AKAP10: variants seen among roughly 807,000 people sequenced by gnomAD.
AKAP10 encodes A-kinase anchoring protein 10.
In AKAP10, 24 loss-of-function variants were observed where a neutral mutation model predicts 80.8. The ratio of observed to expected loss-of-function variants is 0.30; its 90% confidence interval spans 0.22 to 0.42. AKAP10 has a LOEUF of 0.42. Among genes scored for constraint, AKAP10 ranks in the 10% least tolerant of loss-of-function variants. AKAP10 has a pLI of 1.00. For missense variants in AKAP10, 661 were observed against 794.9 expected (o/e 0.83, Z 2.03); for synonymous variants, 291 against 277.7 (o/e 1.05, Z -0.48).
At chr17:19,973,584 T>C (rs975563803) in intron 1 of AKAP10, among the ~76,000 whole-genome samples, 2 of 152,226 alleles carry the variant, frequency 1.3e-5, no homozygotes, top group Admixed American at 6.5e-5. Flanking sequence ...GTTTTGAATA[T>C]ATACCATAAG....
rs767799262 is a variant in AKAP10 at position 19,958,107 on chromosome 17, T to C, written c.784A>G (p.Met262Val). ...GTAGAGGAAGATTCTTGGGTTTCCATGGAAACTTGGTGAGTTCCTGCTCTG... is the reference window on the plus strand; with the variant it reads ...GTAGAGGAAGATTCTTGGGTTTCCACGGAAACTTGGTGAGTTCCTGCTCTG... Reference protein sequence around the residue: ...MARAGTHQVSMETQESSSTLT... With the variant: ...MARAGTHQVSVETQESSSTLT... Residue 262 changes from methionine (M) to valine (V), a missense_variant, in exon 4 of 15, where the codon ATG (methionine) becomes GTG (valine). Met to Val is a conservative substitution (Grantham distance 21). Transcript: ENST00000225737. The C allele has an allele frequency of 6.2e-6, 10 of 1,614,194 alleles. No homozygotes were observed. The highest frequency in any genetic ancestry group is 3.3e-5 in the Admixed American group (2 of 60,018).
intron 1 of AKAP10, among the ~76,000 whole-genome samples, chr17:19,970,284 A>G (rs2043478329): frequency 1.3e-5 from 2 of 152,052 alleles, no homozygotes; most frequent in South Asian, 4.1e-4. Context: ...CCACATACAA[A>G]CTATGACCAA....
At chr17:19,913,945 T>C (rs935006001) in intron 12 of AKAP10, among the ~76,000 whole-genome samples, 3 of 152,176 alleles carry the variant, frequency 2.0e-5, no homozygotes, top group African/African-American at 7.2e-5. Flanking sequence ...TGCCAAATAG[T>C]ATAGACAAAC....
Position 19,936,312 on chromosome 17 carries a change from G to A in AKAP10, c.1441C>T (p.Arg481Cys), listed in dbSNP as rs554681779. The change falls in exon 9 of 15, where the codon CGT becomes TGT. Residue 481 changes from arginine (R) to cysteine (C), a missense_variant. By Grantham distance (180) the Arg-to-Cys change is radical (BLOSUM62 -3). Coordinates refer to ENST00000225737, the MANE Select transcript of AKAP10 (RefSeq NM_007202.4). ...TTCTCCATGGTTGTCCAGGCCTGACGTAATGGAGTTGTGAAACAGTTGGGG... is the reference window on the plus strand; with the variant it reads ...TTCTCCATGGTTGTCCAGGCCTGACATAATGGAGTTGTGAAACAGTTGGGG... ...PLPNCFTTPL[R>C]QAWTTMEKVF... The A allele has an allele frequency of 3.6e-5, 58 of 1,613,728 alleles. No individual in the cohort carries two copies. Among genetic ancestry groups the A allele is most frequent in the East Asian group, 1.1e-4 (5 of 44,880 alleles).
chr17:19,948,045 TAA>T (rs929360925), intron 4 of AKAP10, among the ~76,000 whole-genome samples: 2 of 151,844 alleles, frequency 1.3e-5, no homozygotes, highest in Non-Finnish European at 2.9e-5. Context: ...AGGCGGGTGT[TAA>T]AGTGTTATTT....
chr17:19,943,046 T>TA (rs1300579337), intron 5 of AKAP10, among the ~76,000 whole-genome samples: 1 of 152,110 alleles, frequency 6.6e-6, no homozygotes, highest in Admixed American at 6.5e-5. Context: ...CAAGAGCTAT[T>TA]ACGCCTGGCC....
intron 9 of AKAP10, among the ~76,000 whole-genome samples, chr17:19,933,513 C>T (rs1021087422): frequency 6.6e-6 from 1 of 152,188 alleles, no homozygotes. Flanking sequence ...TACATACACA[C>T]ATCTAGTAAG....
intron 14 of AKAP10, among the ~76,000 whole-genome samples, chr17:19,907,278 C>T (rs867441183): frequency 1.4e-4 from 22 of 152,132 alleles, no homozygotes; most frequent in African/African-American, 5.3e-4. Flanking sequence ...TCAGCCCCCA[C>T]AAAGTGCTGG....
rs764059133 is a variant in AKAP10 at position 19,962,832 on chromosome 17, T to C, written c.319+8A>G. On this transcript the variant is annotated splice_region_variant and intron_variant, in intron 3 of 14. Transcript: ENST00000225737. ...AATACAAGTTAATAAAAAATGATAG[T>C]TACTTACCCAGGTCACCAAAATGAG... 2 of 1,608,138 alleles carry C rather than the reference T, an allele frequency of 1.2e-6. No individual in the cohort carries two copies. The highest frequency in any genetic ancestry group is 2.2e-5 in the East Asian group (1 of 44,810).
rs149852422 is a variant in AKAP10, at chr17:19,940,619, G to A, written c.1185+268C>T. The stretch of plus-strand genomic sequence containing the variant: ...TTTCAAATTCTGTGGTTTTAAAATA[G>A]CTCCAAATAATTAAAAACATGCACT... On this transcript the variant is annotated intron_variant, in intron 7 of 14. Coordinates refer to ENST00000225737, the MANE Select transcript of AKAP10 (RefSeq NM_007202.4). Among the ~76,000 whole-genome samples, 9 of 152,226 alleles carry A rather than the reference G, an allele frequency of 5.9e-5. No individual in the cohort carries two copies. In the East Asian group the frequency reaches 1.7e-3, roughly 29 times the overall value.
chr17:19,923,507 TCA>T (rs2042840793), intron 11 of AKAP10, among the ~76,000 whole-genome samples: 1 of 152,160 alleles, frequency 6.6e-6, no homozygotes, highest in Non-Finnish European at 1.5e-5. Context: ...TCTAGGCTCC[TCA>T]GTCTCCCAAT....
intron 5 of AKAP10, among the ~76,000 whole-genome samples, chr17:19,943,919 G>A (rs1468276504): frequency 1.3e-5 from 2 of 151,862 alleles, no homozygotes; most frequent in Admixed American, 1.3e-4. Context: ...TAGCTGACAG[G>A]GAAAAAACCC....
intron 11 of AKAP10, among the ~76,000 whole-genome samples, chr17:19,923,910 G>A (rs1235983257): frequency 6.6e-6 from 1 of 152,158 alleles, no homozygotes; most frequent in Non-Finnish European, 1.5e-5. Context: ...GTACGGATCA[G>A]GGTAGTGTAA....
intron 11 of AKAP10, among the ~76,000 whole-genome samples, chr17:19,923,868 A>G (rs909940783): frequency 2.6e-5 from 4 of 152,104 alleles, no homozygotes; most frequent in African/African-American, 9.7e-5. Context: ...ATATGTTGAA[A>G]TCCCTTTTTC....
intron 4 of AKAP10, among the ~76,000 whole-genome samples, chr17:19,953,857 C>T (rs1252598002): frequency 6.6e-6 from 1 of 152,084 alleles, no homozygotes; most frequent in East Asian, 1.9e-4. Context: ...CATGGTGAAA[C>T]CCTGTCTGCA....
In AKAP10 at chr17:19,952,201, C is replaced by T. The variant is rs555617020; in HGVS notation, c.878-4696G>A. 1.2e-4 allele frequency among the ~76,000 whole-genome samples: 18 copies of T among 151,998 alleles called. No homozygotes were observed. In the East Asian group the frequency reaches 1.5e-3, roughly 13 times the overall value. On this transcript the variant is annotated intron_variant, in intron 4 of 14. Transcript: ENST00000225737. ...TGACTCAGCCGGGTGCAGTGGCTCA[C>T]GCCTGTAATCCCAGCACTTTGGGAG...
intron 1 of AKAP10, among the ~76,000 whole-genome samples, chr17:19,976,033 G>A (rs2043561434): frequency 6.6e-6 from 1 of 152,158 alleles, no homozygotes; most frequent in African/African-American, 2.4e-5. Context: ...CACTTAAGAA[G>A]AAGTATTTAA....
Position 19,977,711 on chromosome 17 carries a change from G to A in AKAP10, c.-32C>T, listed in dbSNP as rs2043591585. ...ACCGGCCCGGACTTCCGGGTCCAGA[G>A]GGGCCGCTGCACTAGCGCGAAAAGG... On this transcript the variant is annotated 5_prime_UTR_variant, in exon 1 of 15. Coordinates refer to ENST00000225737, the MANE Select transcript of AKAP10 (RefSeq NM_007202.4). 8.2e-7 allele frequency: 1 copy of A among 1,213,402 alleles called. No individual in the cohort carries two copies. Among genetic ancestry groups the A allele is most frequent in the African/African-American group, 1.6e-5 (1 of 64,164 alleles). 75.2% of individuals were successfully genotyped at this position (1,213,402 alleles called of 1,614,324 possible).
intron 4 of AKAP10, among the ~76,000 whole-genome samples, chr17:19,947,928 T>G (rs910704148): frequency 6.6e-6 from 1 of 150,890 alleles, no homozygotes; most frequent in Admixed American, 6.6e-5. Context: ...AAATTATTGA[T>G]GCTTTACCAA....
Sources: gnomAD v4.1 joint callset for allele counts (sites outside exome capture counted in the v4.1 genomes callset) on GRCh38, gnomAD v4.1.1 for gene constraint, MANE v1.5 for transcripts, NCBI Gene and HGNC (gene_info 2026-07-23, HGNC 2026-07-21) for gene names.